KIRREL3: variants seen among roughly 807,000 people sequenced by gnomAD.
The protein encoded by KIRREL3 is kirre like nephrin family adhesion molecule 3, also known as kin of IRRE-like protein 3.
KIRREL3 carries 36 observed loss-of-function variants against 89.7 expected under a neutral mutation model. The observed-to-expected ratio is 0.40, with a 90% CI of 0.31 to 0.53. KIRREL3 has a LOEUF of 0.53. Among genes scored for constraint, KIRREL3 ranks in the 20% least tolerant of loss-of-function variants. The pLI is 0.49. For missense variants in KIRREL3, 864 were observed against 1,056.6 expected, an observed-to-expected ratio of 0.82 and a Z score of 2.53; for synonymous variants, 445 against 441.4, an observed-to-expected ratio of 1.01 and a Z score of -0.10.
intron 1 of KIRREL3, among the ~76,000 whole-genome samples, chr11:126,836,630 A>C (rs774372247): frequency 6.6e-6 from 1 of 152,254 alleles, no homozygotes; most frequent in Admixed American, 6.5e-5. Context: ...TCTGTTGTGC[A>C]TATGACTTGT....
At chr11:126,598,155 A>G (rs1942488929) in intron 1 of KIRREL3, among the ~76,000 whole-genome samples, 1 of 152,264 alleles carries the variant, frequency 6.6e-6, no homozygotes. Context: ...TGAAGCGTTC[A>G]GTGACTTTGC....
chr11:126,973,100 G>GAA (rs11449960), intron 1 of KIRREL3, among the ~76,000 whole-genome samples: 16,857 of 119,028 alleles, frequency 0.14, 1,984 homozygotes, highest in East Asian at 0.3. Context: ...AAGTTTTGAG[G>GAA]AAAAAAAAAA....
intron 1 of KIRREL3, among the ~76,000 whole-genome samples, chr11:126,852,981 A>T (rs2134573166): frequency 6.6e-6 from 1 of 152,264 alleles, no homozygotes; most frequent in African/African-American, 2.4e-5. Flanking sequence ...TTCTCCGGGG[A>T]AACCTGTTAT....
chr11:126,808,962 G>T lies in KIRREL3; in HGVS notation c.55+191493C>A, dbSNP rs1382697275. 6.6e-6 allele frequency among the ~76,000 whole-genome samples: 1 copy of T among 152,058 alleles called. No individual in the cohort carries two copies. The highest frequency in any genetic ancestry group is 1.5e-5 in the Non-Finnish European group (1 of 68,002). ...TTCATAACTGTTTGAAAAATCTCTT[G>T]TTCTTTTCTTTCCCCCAAAAAACAA... On this transcript the variant is annotated intron_variant, in intron 1 of 16. Transcript: ENST00000525144. This position sits in a 1 kb window ranked among gnomAD's most constrained non-coding sequence, Gnocchi z 4.1.
chr11:126,459,237 TG>T lies in KIRREL3; in HGVS notation c.743-2784del, dbSNP rs533560951. ...TGTTCCAGGAGGCCCTTCCCTCACCTGGGGGTCTTTTCTAAAGTGATGAGGT... is the reference window on the plus strand; with the variant it reads ...TGTTCCAGGAGGCCCTTCCCTCACCTGGGGTCTTTTCTAAAGTGATGAGGT... On this transcript the variant is annotated intron_variant, in intron 6 of 16. Transcript: ENST00000525144. This position sits in a 1 kb window ranked among gnomAD's most constrained non-coding sequence, Gnocchi z 4.8. Among the ~76,000 whole-genome samples, 113 of 152,192 alleles carry T rather than the reference TG, an allele frequency of 7.4e-4. No individual in the cohort carries two copies. The highest frequency in any genetic ancestry group is 2.6e-3 in the African/African-American group (110 of 41,532).
Position 126,566,642 on chromosome 11 carries a change from C to T in KIRREL3, c.56-3730G>A, listed in dbSNP as rs1003160621. Reference sequence around the variant, plus strand: ...CTAGATAACATAGTGGGATTTCCTCCTGGGAGAAATAAAAGGGGATGGCTT... The same window carrying T: ...CTAGATAACATAGTGGGATTTCCTCTTGGGAGAAATAAAAGGGGATGGCTT... On this transcript the variant is annotated intron_variant, in intron 1 of 16. Coordinates refer to ENST00000525144, the MANE Select transcript of KIRREL3 (RefSeq NM_032531.4). The surrounding 1 kb of genome is among the most constrained non-coding windows in gnomAD (Gnocchi z 4.9). 6.6e-6 allele frequency among the ~76,000 whole-genome samples: 1 copy of T among 152,192 alleles called. No individual in the cohort carries two copies. Among genetic ancestry groups the T allele is most frequent in the African/African-American group, 2.4e-5 (1 of 41,452 alleles).
rs560322785 is a variant in KIRREL3 at position 126,519,656 on chromosome 11, G to A, written c.433+1659C>T. 1.3e-5 allele frequency among the ~76,000 whole-genome samples: 2 copies of A among 152,304 alleles called. No homozygotes were observed. The highest frequency in any genetic ancestry group is 4.1e-4 in the South Asian group (2 of 4,824). ...TCTGGCCCCTCTAGAAGGTGTATGA[G>A]TCGGTAGAGGCAGATTCTTCTGAGG... On this transcript the variant is annotated intron_variant, in intron 4 of 16. Transcript: ENST00000525144. The surrounding 1 kb of genome is among the most constrained non-coding windows in gnomAD (Gnocchi z 4.3).
rs1037099817 is a variant in KIRREL3, at chr11:126,708,601, C to T, written c.56-145689G>A. On this transcript the variant is annotated intron_variant, in intron 1 of 16. Coordinates refer to ENST00000525144, the MANE Select transcript of KIRREL3 (RefSeq NM_032531.4). The surrounding 1 kb of genome is among the most constrained non-coding windows in gnomAD (Gnocchi z 5.7). ...CTCCGGGGTGGGGAAGGAAGGAGGG[C>T]GTTCGGCTCAACGTCCAGGAGAGGC... is the stretch of plus-strand genomic sequence containing the variant. Among the ~76,000 whole-genome samples the T allele has an allele frequency of 6.6e-6, 1 of 152,160 alleles. No homozygotes were observed. The highest frequency in any genetic ancestry group is 1.5e-5 in the Non-Finnish European group (1 of 68,032).
In KIRREL3 at chr11:126,997,679, C is replaced by A. The variant is rs377623172; in HGVS notation, c.55+2776G>T. The stretch of plus-strand genomic sequence containing the variant: ...ATTAGGAAGAAAAGGATGGCTGGAA[C>A]GGACTTTAAGAGTTTATTTGTATCT... On this transcript the variant is annotated intron_variant, in intron 1 of 16. Coordinates refer to ENST00000525144, the MANE Select transcript of KIRREL3 (RefSeq NM_032531.4). The surrounding 1 kb of genome is among the most constrained non-coding windows in gnomAD (Gnocchi z 4.3). 2.6e-5 allele frequency among the ~76,000 whole-genome samples: 4 copies of A among 152,302 alleles called. No individual in the cohort carries two copies. The South Asian group carries it at 8.3e-4, about 32-fold the overall frequency.
At chr11:126,826,668 G>C (rs10736559) in intron 1 of KIRREL3, among the ~76,000 whole-genome samples, 131,139 of 151,950 alleles carry the variant, frequency 0.86, 56,939 homozygotes, top group East Asian at 1. Context: ...CACAGAAGCT[G>C]GCTCTCCTTC....
intron 1 of KIRREL3, among the ~76,000 whole-genome samples, chr11:126,581,289 A>G (rs1446317519): frequency 2.0e-5 from 3 of 151,862 alleles, no homozygotes; most frequent in Non-Finnish European, 2.9e-5. Context: ...TGCAACCTCT[A>G]CCTCCTGGGT....
chr11:126,881,702 C>T (rs1945504539), intron 1 of KIRREL3, among the ~76,000 whole-genome samples: 1 of 152,096 alleles, frequency 6.6e-6, no homozygotes. Flanking sequence ...TACCCACCAC[C>T]ATACTCGGCT....
rs1285777063 is a variant in KIRREL3 at position 126,708,798 on chromosome 11, C to T, written c.56-145886G>A. The stretch of plus-strand genomic sequence containing the variant: ...CTCCGCTCTCCAGCTCCCGTTCCTA[C>T]CAAATGCACCAATCATCACTAAGCC... On this transcript the variant is annotated intron_variant, in intron 1 of 16. Transcript: ENST00000525144. This position sits in a 1 kb window ranked among gnomAD's most constrained non-coding sequence, Gnocchi z 5.7. Among the ~76,000 whole-genome samples the T allele has an allele frequency of 6.6e-6, 1 of 152,202 alleles. No homozygotes were observed. Among genetic ancestry groups the T allele is most frequent in the East Asian group, 1.9e-4 (1 of 5,194 alleles).
In KIRREL3 at chr11:126,424,370, T is replaced by TCCCCCCCCCCC; in HGVS notation, c.*209_*210insGGGGGGGGGGG. 2.1e-6 allele frequency: 1 copy of TCCCCCCCCCCC among 483,208 alleles called. No homozygotes were observed. The highest frequency in any genetic ancestry group is 3.8e-6 in the Non-Finnish European group (1 of 260,500). The allele number at this position is 483,208 out of a possible 1,614,324, so 29.9% of individuals were successfully genotyped here. On this transcript the variant is annotated 3_prime_UTR_variant, in exon 17 of 17. Coordinates refer to ENST00000525144, the MANE Select transcript of KIRREL3 (RefSeq NM_032531.4). The stretch of plus-strand genomic sequence containing the variant: ...CACTCAGCCGCAGCCTCTGTCTGTC[T>TCCCCCCCCCCC]CCCCACCCGCCCACCTCTGGCACAC...
chr11:126,535,797 C>T lies in KIRREL3; in HGVS notation c.134-9110G>A, dbSNP rs533314475. On this transcript the variant is annotated intron_variant, in intron 2 of 16. Transcript: ENST00000525144. The surrounding 1 kb of genome is among the most constrained non-coding windows in gnomAD (Gnocchi z 4.5). ...GTCAGGGGTTCGAGACCAGCCTGAC[C>T]AACATGGTGAAACCCCGTCTCTACT... Among the ~76,000 whole-genome samples, 1 of 152,312 alleles carries T rather than the reference C, an allele frequency of 6.6e-6. No homozygotes were observed. Among genetic ancestry groups the T allele is most frequent in the South Asian group, 2.1e-4 (1 of 4,818 alleles).
intron 1 of KIRREL3, among the ~76,000 whole-genome samples, chr11:126,927,757 C>T (rs370295342): frequency 3.3e-5 from 5 of 152,310 alleles, no homozygotes; most frequent in African/African-American, 7.2e-5. Context: ...GATATCCACC[C>T]GGGGCTTTCC....
rs151254643 is a variant in KIRREL3, at chr11:126,601,572, G to A, written c.56-38660C>T. 5.9e-4 allele frequency among the ~76,000 whole-genome samples: 90 copies of A among 152,302 alleles called. No homozygotes were observed. The highest frequency in any genetic ancestry group is 1.1e-3 in the Non-Finnish European group (73 of 68,028). On this transcript the variant is annotated intron_variant, in intron 1 of 16. Transcript: ENST00000525144. This position sits in a 1 kb window ranked among gnomAD's most constrained non-coding sequence, Gnocchi z 5.8. ...GGCTAATTATGGGAGATAGATGGCTGTAAACAGAAGTCTTCTACCTCAACA... is the reference window on the plus strand; with the variant it reads ...GGCTAATTATGGGAGATAGATGGCTATAAACAGAAGTCTTCTACCTCAACA...
At chr11:126,638,231 C>CA (rs1944339356) in intron 1 of KIRREL3, among the ~76,000 whole-genome samples, 1 of 152,206 alleles carries the variant, frequency 6.6e-6, no homozygotes, top group African/African-American at 2.4e-5. Context: ...TTCCTCTTGA[C>CA]AGAATTTTCC....
chr11:126,460,663 C>T (rs1009248576), intron 6 of KIRREL3, among the ~76,000 whole-genome samples: 3 of 152,154 alleles, frequency 2.0e-5, no homozygotes, highest in Non-Finnish European at 4.4e-5. Flanking sequence ...CTGGCAAGAC[C>T]CAGTGTCCTC....
Sources: gnomAD v4.1 joint callset for allele counts (sites outside exome capture counted in the v4.1 genomes callset) on GRCh38, gnomAD v4.1.1 for gene constraint, Gnocchi (gnomAD v3.1) non-coding constraint, MANE v1.5 for transcripts, NCBI Gene and HGNC (gene_info 2026-07-23, HGNC 2026-07-21) for gene names.